Variants in ITGAV observed in about 807,000 individuals in gnomAD.
ITGAV encodes the protein integrin alpha-V.
A neutral mutation model predicts 143.8 loss-of-function variants in ITGAV; 76 were observed. The observed-to-expected ratio is 0.53, with a 90% CI of 0.44 to 0.64. ITGAV has a LOEUF of 0.64. Ranked by LOEUF, ITGAV falls within the 30% of genes least tolerant of loss-of-function variation. The pLI, the probability that ITGAV is intolerant of heterozygous loss-of-function variation, is 0.00. For missense variants in ITGAV, 1,193 were observed against 1,274.7 expected, an observed-to-expected ratio of 0.94 and a Z score of 0.98; for synonymous variants, 453 against 446.7, an observed-to-expected ratio of 1.01 and a Z score of -0.18.
intron 6 of ITGAV, among the ~76,000 whole-genome samples, chr2:186,634,308 C>T (rs1351888379): frequency 6.6e-6 from 1 of 152,042 alleles, no homozygotes; most frequent in East Asian, 1.9e-4. Context: ...TAAAAAGTGC[C>T]ATTTATGAGG....
At chr2:186,604,421 T>C (rs1019604092) in intron 2 of ITGAV, among the ~76,000 whole-genome samples, 4 of 152,240 alleles carry the variant, frequency 2.6e-5, no homozygotes, top group African/African-American at 9.6e-5. Flanking sequence ...TAGTGGATAC[T>C]TTGGTTATTT....
chr2:186,644,801 T>A lies in ITGAV; in HGVS notation c.1160-1885T>A, dbSNP rs139080576. ...TGTCTTTAAGAAACTCAGCATCCAA[T>A]GGGGGCAGCATATATGTTTAAAAAA... On this transcript the variant is annotated intron_variant, in intron 12 of 29. Coordinates refer to ENST00000261023, the MANE Select transcript of ITGAV (RefSeq NM_002210.5). 2.3e-4 allele frequency among the ~76,000 whole-genome samples: 34 copies of A among 149,184 alleles called. No homozygotes were observed. In the East Asian group the frequency reaches 5.8e-3, roughly 26 times the overall value.
intron 26 of ITGAV, among the ~76,000 whole-genome samples, chr2:186,671,446 C>T (rs186326882): frequency 4.0e-4 from 61 of 152,170 alleles, no homozygotes; most frequent in African/African-American, 1.3e-3. Context: ...AATTCTTTGT[C>T]CAGATATCCT....
chr2:186,626,837 T>C (rs1225027166), intron 4 of ITGAV, among the ~76,000 whole-genome samples: 1 of 152,206 alleles, frequency 6.6e-6, no homozygotes, highest in Non-Finnish European at 1.5e-5. Flanking sequence ...GGATGCCATC[T>C]GTACTGCCAT....
intron 2 of ITGAV, among the ~76,000 whole-genome samples, chr2:186,613,856 TTTAA>T (rs1306799069): frequency 1.3e-5 from 2 of 152,102 alleles, no homozygotes; most frequent in African/African-American, 4.8e-5. Context: ...ATTTTTATTT[TTTAA>T]TTAGTTATTT....
chr2:186,664,244 C>T (rs1040792426), intron 19 of ITGAV, among the ~76,000 whole-genome samples: 34 of 152,212 alleles, frequency 2.2e-4, no homozygotes, highest in African/African-American at 7.9e-4. Flanking sequence ...ATGTAATTCA[C>T]TTCAGTAATA....
intron 12 of ITGAV, among the ~76,000 whole-genome samples, chr2:186,644,400 A>G (rs1688192469): frequency 2.6e-5 from 4 of 151,824 alleles, no homozygotes; most frequent in Admixed American, 6.6e-5. Context: ...ATATCGGCTC[A>G]CTGCAACCTC....
chr2:186,650,985 A>G (rs1006444571), intron 14 of ITGAV, among the ~76,000 whole-genome samples: 1 of 152,258 alleles, frequency 6.6e-6, no homozygotes, highest in Non-Finnish European at 1.5e-5. Flanking sequence ...CTCTGACCAC[A>G]AGGTCAGTAT....
intron 1 of ITGAV, among the ~76,000 whole-genome samples, chr2:186,599,852 A>G (rs1686849074): frequency 6.6e-6 from 1 of 152,180 alleles, no homozygotes. Context: ...TCAGGCCTCC[A>G]GCGATTGCTG....
intron 2 of ITGAV, among the ~76,000 whole-genome samples, chr2:186,618,515 AGAAATAG>A (rs1168295880): frequency 1.3e-5 from 2 of 152,272 alleles, no homozygotes; most frequent in Non-Finnish European, 2.9e-5. Context: ...ACTTTTTTAA[AGAAATAG>A]GAAACAGAAC....
intron 28 of ITGAV, among the ~76,000 whole-genome samples, chr2:186,676,487 C>G (rs889752234): frequency 6.6e-6 from 1 of 152,076 alleles, no homozygotes; most frequent in Admixed American, 6.5e-5. Context: ...GCCTGTAATT[C>G]CAACTACTGG....
intron 2 of ITGAV, among the ~76,000 whole-genome samples, chr2:186,613,415 T>C (rs1687271669): frequency 6.6e-6 from 1 of 152,164 alleles, no homozygotes; most frequent in South Asian, 2.1e-4. Flanking sequence ...TGAAATGAGC[T>C]TCATTCCTGT....
intron 15 of ITGAV, among the ~76,000 whole-genome samples, chr2:186,653,339 T>C (rs972277524): frequency 1.3e-5 from 2 of 152,132 alleles, no homozygotes; most frequent in Non-Finnish European, 2.9e-5. Flanking sequence ...TCTTGACCCA[T>C]ATACTACCAA....
rs776851066 is a variant in ITGAV, at chr2:186,669,821, G to T, written c.2706+7G>T. 5.7e-6 allele frequency: 9 copies of T among 1,572,430 alleles called. No individual in the cohort carries two copies. In the South Asian group the frequency reaches 1.0e-4, roughly 17 times the overall value. On this transcript the variant is annotated splice_region_variant and intron_variant, in intron 26 of 29. Coordinates refer to ENST00000261023, the MANE Select transcript of ITGAV (RefSeq NM_002210.5). ...AGGAGATATTCACACTTTGGTAAGT[G>T]CCATTTCAAATATGTGCACCATAGA...
rs533591335 is a variant in ITGAV, at chr2:186,641,307, T to G, written c.957-79T>G. On this transcript the variant is annotated intron_variant, in intron 11 of 29. Coordinates refer to ENST00000261023, the MANE Select transcript of ITGAV (RefSeq NM_002210.5). ...GTGAGAGATGCAGAAAGAGGAAAAGTGAGTTGTAGTAAGAAAGAAAATGCC... is the reference window on the plus strand; with the variant it reads ...GTGAGAGATGCAGAAAGAGGAAAAGGGAGTTGTAGTAAGAAAGAAAATGCC... 3 of 1,077,666 alleles carry G rather than the reference T, an allele frequency of 2.8e-6. No homozygotes were observed. The African/African-American group carries it at 4.7e-5, about 17-fold the overall frequency. 66.8% of individuals were successfully genotyped at this position (1,077,666 alleles called of 1,614,324 possible).
intron 18 of ITGAV, among the ~76,000 whole-genome samples, chr2:186,662,128 T>A (rs1309345746): frequency 6.6e-6 from 1 of 152,178 alleles, no homozygotes; most frequent in Non-Finnish European, 1.5e-5. Context: ...TACATATGTC[T>A]CATTGCAAAC....
chr2:186,659,192 AC>A lies in ITGAV; in HGVS notation c.1857+19del. 6.2e-6 allele frequency: 9 copies of A among 1,454,238 alleles called. No homozygotes were observed. The highest frequency in any genetic ancestry group is 8.2e-6 in the Non-Finnish European group (9 of 1,098,220). 90.1% of individuals were successfully genotyped at this position (1,454,238 alleles called of 1,614,324 possible). ...AGTCGACAGGTACTGTACTCAGTTT[AC>A]CACTAATGTGATATTTTGTTATTTT... is the stretch of plus-strand genomic sequence containing the variant. On this transcript the variant is annotated intron_variant, in intron 18 of 29. Coordinates refer to ENST00000261023, the MANE Select transcript of ITGAV (RefSeq NM_002210.5).
chr2:186,637,645 A>G (rs1559053126), intron 8 of ITGAV, among the ~76,000 whole-genome samples: 1 of 152,186 alleles, frequency 6.6e-6, no homozygotes, highest in Non-Finnish European at 1.5e-5. Context: ...TGAGACAGCT[A>G]CACTTGGCTT....
chr2:186,599,702 T>TA (rs780995503), intron 1 of ITGAV, among the ~76,000 whole-genome samples: 11 of 152,192 alleles, frequency 7.2e-5, no homozygotes, highest in Non-Finnish European at 1.3e-4. Context: ...ATGGGGGTCT[T>TA]ACTATGTTGC....
Sources: gnomAD v4.1 joint callset for allele counts (sites outside exome capture counted in the v4.1 genomes callset) on GRCh38, gnomAD v4.1.1 for gene constraint, MANE v1.5 for transcripts, NCBI Gene and HGNC (gene_info 2026-07-23, HGNC 2026-07-21) for gene names.